CACNB2: variants seen among roughly 807,000 people sequenced by gnomAD.
The protein encoded by CACNB2 is voltage-dependent L-type calcium channel subunit beta-2.
A neutral mutation model predicts 73.3 loss-of-function variants in CACNB2; 42 were observed. The ratio of observed to expected loss-of-function variants is 0.57; its 90% CI spans 0.45 to 0.74. The LOEUF (loss-of-function observed/expected upper bound fraction) is 0.74. CACNB2 is among the 30% of genes least tolerant of loss of function. CACNB2 has a pLI of 0.00. For missense variants in CACNB2, 940 were observed against 853.0 expected (o/e 1.10, Z -1.27); for synonymous variants, 348 against 310.3 (o/e 1.12, Z -1.28).
chr10:18,156,914 C>T (rs1929421), intron 2 of CACNB2, among the ~76,000 whole-genome samples: 27,545 of 151,326 alleles, frequency 0.18, 2,591 homozygotes, highest in African/African-American at 0.22. Flanking sequence ...TGGCGCATGC[C>T]TGTAATCCCA....
chr10:18,313,077 G>C (rs2040021008), intron 2 of CACNB2, among the ~76,000 whole-genome samples: 1 of 152,044 alleles, frequency 6.6e-6, no homozygotes, highest in South Asian at 2.1e-4. Flanking sequence ...TGGTGACTGT[G>C]ATCATTTTTT....
At chr10:18,276,682 G>A (rs748763074) in intron 2 of CACNB2, among the ~76,000 whole-genome samples, 17 of 152,120 alleles carry the variant, frequency 1.1e-4, no homozygotes, top group Non-Finnish European at 5.9e-5. Flanking sequence ...AGGTTCAAGC[G>A]ATTATCCTGC....
At chr10:18,450,616 G>C (rs758459370) in intron 3 of CACNB2, among the ~76,000 whole-genome samples, 4 of 148,020 alleles carry the variant, frequency 2.7e-5, no homozygotes, top group Non-Finnish European at 5.9e-5. Flanking sequence ...AGCTCCAGCT[G>C]CTTTTTTTTC....
chr10:18,208,913 A>T (rs1388544103), intron 2 of CACNB2, among the ~76,000 whole-genome samples: 1 of 152,168 alleles, frequency 6.6e-6, no homozygotes, highest in African/African-American at 2.4e-5. Context: ...ACCCAGGGCG[A>T]TGTTGAGTTC....
intron 2 of CACNB2, among the ~76,000 whole-genome samples, chr10:18,310,343 C>T (rs184001793): frequency 6.6e-6 from 1 of 151,454 alleles, no homozygotes; most frequent in Non-Finnish European, 1.5e-5. Flanking sequence ...TGGTGGCTCA[C>T]GCCCGTAATC....
At chr10:18,151,267 G>C (rs1215322357) in intron 2 of CACNB2, 6 of 321,112 alleles carry the variant, frequency 1.9e-5, no homozygotes, top group Admixed American at 4.6e-5. Flanking sequence ...TGGATTTGGG[G>C]GGATTGTTTT....
chr10:18,144,959 C>T (rs2030808642), intron 1 of CACNB2, among the ~76,000 whole-genome samples: 2 of 152,102 alleles, frequency 1.3e-5, no homozygotes, highest in South Asian at 4.2e-4. Context: ...AAGCAGGTGA[C>T]AGGGATTGAT....
At chr10:18,327,084 T>G (rs1182983010) in intron 2 of CACNB2, among the ~76,000 whole-genome samples, 1 of 152,120 alleles carries the variant, frequency 6.6e-6, no homozygotes, top group Admixed American at 6.6e-5. Context: ...TGAAGACTGA[T>G]AAGTCAAATT....
chr10:18,406,904 A>G (rs2044318327), intron 3 of CACNB2, among the ~76,000 whole-genome samples: 1 of 152,114 alleles, frequency 6.6e-6, no homozygotes, highest in African/African-American at 2.4e-5. Context: ...GCCCTGGAAT[A>G]CAGTGTATGC....
intron 2 of CACNB2, among the ~76,000 whole-genome samples, chr10:18,253,504 A>G (rs1217629249): frequency 2.6e-5 from 4 of 152,146 alleles, no homozygotes; most frequent in Admixed American, 2.6e-4. Flanking sequence ...TTATCCTGTT[A>G]TCATCCTAGA....
chr10:18,388,172 T>C (rs2043313952), intron 2 of CACNB2, among the ~76,000 whole-genome samples: 1 of 152,164 alleles, frequency 6.6e-6, no homozygotes, highest in African/African-American at 2.4e-5. Flanking sequence ...AAATGCAAAA[T>C]AGAGCAGATA....
intron 1 of CACNB2, among the ~76,000 whole-genome samples, chr10:18,144,567 G>C (rs991048997): frequency 2.0e-5 from 3 of 152,224 alleles, no homozygotes; most frequent in Non-Finnish European, 4.4e-5. Flanking sequence ...CTCCAGATCT[G>C]TCTGTTCATT....
chr10:18,273,851 A>T (rs2038159804), intron 2 of CACNB2, among the ~76,000 whole-genome samples: 1 of 152,242 alleles, frequency 6.6e-6, no homozygotes, highest in South Asian at 2.1e-4. Flanking sequence ...AGCTAAAATG[A>T]AATACCACAT....
intron 1 of CACNB2, chr10:18,141,111 C>A (rs2030339512): frequency 1.3e-6 from 2 of 1,549,464 alleles, no homozygotes; most frequent in Non-Finnish European, 1.7e-6. Context: ...TGCCAGTCCT[C>A]CCAGACTTCT....
At chr10:18,481,462 G>C (rs924252394) in intron 3 of CACNB2, among the ~76,000 whole-genome samples, 9 of 151,018 alleles carry the variant, frequency 6.0e-5, no homozygotes, top group African/African-American at 2.2e-4. Context: ...GGCCAGGCTG[G>C]TCTCAAACTC....
At chr10:18,488,407 G>A (rs563550534) in intron 3 of CACNB2, among the ~76,000 whole-genome samples, 6 of 148,920 alleles carry the variant, frequency 4.0e-5, no homozygotes, top group East Asian at 4.0e-4. Context: ...CCTGGAAGGC[G>A]GAGCTTGCAG....
At chr10:18,471,816 G>A (rs1229791373) in intron 3 of CACNB2, among the ~76,000 whole-genome samples, 3 of 152,286 alleles carry the variant, frequency 2.0e-5, no homozygotes, top group South Asian at 2.1e-4. Flanking sequence ...GAAATCGCTA[G>A]GTAGGGAAAT....
rs182530836 is a variant in CACNB2 at position 18,140,679 on chromosome 10, G to A, written c.-58G>A. ...TCAGAGCGCGGGGAGGCGGGGGCGA[G>A]GAGGAGGGGACCCGCCGCCGGGGGC... On this transcript the variant is annotated 5_prime_UTR_variant, in exon 1 of 14. Transcript: ENST00000324631. 1.7e-3 allele frequency: 2,430 copies of A among 1,464,692 alleles called. 76 individuals are homozygous for A. The Admixed American group carries it at 0.043, about 26-fold the overall frequency. 90.7% of individuals were successfully genotyped at this position (1,464,692 alleles called of 1,614,324 possible).
At chr10:18,214,963 C>T (rs1278812281) in intron 2 of CACNB2, among the ~76,000 whole-genome samples, 2 of 152,026 alleles carry the variant, frequency 1.3e-5, no homozygotes, top group Non-Finnish European at 2.9e-5. Context: ...CTTATGCTCA[C>T]GATAAGAGTA....
Sources: gnomAD v4.1 joint callset for allele counts (sites outside exome capture counted in the v4.1 genomes callset) on GRCh38, gnomAD v4.1.1 for gene constraint, MANE v1.5 for transcripts, NCBI Gene and HGNC (gene_info 2026-07-23, HGNC 2026-07-21) for gene names.